Variants in INPP5A observed in about 807,000 individuals in gnomAD.
INPP5A encodes 43 kDa inositol polyphosphate 5-phophatase.
Under a neutral mutation model 65.2 loss-of-function variants are expected in INPP5A, and 14 were observed. The ratio of observed to expected loss-of-function variants is 0.21; its 90% CI spans 0.14 to 0.34. The LOEUF (loss-of-function observed/expected upper bound fraction) is 0.34, where lower values mean the gene tolerates loss of function less well. INPP5A is among the 10% of genes least tolerant of loss of function. The pLI is 1.00. For missense variants in INPP5A, 431 were observed against 545.6 expected (o/e 0.79, Z 2.09); for synonymous variants, 207 against 208.3 (o/e 0.99, Z 0.05).
intron 9 of INPP5A, among the ~76,000 whole-genome samples, chr10:132,730,765 G>A (rs75444581): frequency 0.046 from 7,015 of 152,312 alleles, 259 homozygotes; most frequent in African/African-American, 0.1. Flanking sequence ...CCGCGTTGGC[G>A]TGTCCTGCTG....
intron 4 of INPP5A, among the ~76,000 whole-genome samples, chr10:132,683,380 T>C (rs2073076706): frequency 6.6e-6 from 1 of 152,214 alleles, no homozygotes; most frequent in South Asian, 2.1e-4. Context: ...ACACGTTTAA[T>C]CTGCGTGTAC....
chr10:132,544,913 C>T (rs929152713), intron 1 of INPP5A, among the ~76,000 whole-genome samples: 5 of 152,062 alleles, frequency 3.3e-5, no homozygotes, highest in African/African-American at 1.2e-4. Flanking sequence ...GAGTTTAGAT[C>T]ACCCGGGTTA....
At chr10:132,714,493 G>A (rs1480783354) in intron 8 of INPP5A, among the ~76,000 whole-genome samples, 4 of 152,180 alleles carry the variant, frequency 2.6e-5, no homozygotes, top group East Asian at 1.9e-4. Flanking sequence ...TGTCTGCCCC[G>A]CAGGGAGACA....
chr10:132,771,726 A>G (rs61860776), intron 12 of INPP5A, among the ~76,000 whole-genome samples: 4,452 of 26,288 alleles, frequency 0.17, 44 homozygotes, highest in East Asian at 0.25. Flanking sequence ...AGAGTGGGAC[A>G]GACACTCAGC....
At chr10:132,715,565 G>A (rs1346803583) in intron 8 of INPP5A, among the ~76,000 whole-genome samples, 4 of 152,208 alleles carry the variant, frequency 2.6e-5, no homozygotes, top group African/African-American at 7.2e-5. Flanking sequence ...TGGCTTTATG[G>A]AGGGCCATCA....
rs1845540025 is a variant in INPP5A at position 132,706,532 on chromosome 10, C to CTAA, written c.475-1781_475-1780insTAA. ...AGTTCGTGTGCCGGGGTGCTTCTTA[C>CTAA]AGCAGTGGTGGATCCAGAGTGCAGG... On this transcript the variant is annotated intron_variant, in intron 6 of 15. Coordinates refer to ENST00000368594, the MANE Select transcript of INPP5A (RefSeq NM_005539.5). The surrounding 1 kb of genome is among the most constrained non-coding windows in gnomAD (Gnocchi z 4.7). 6.6e-6 allele frequency among the ~76,000 whole-genome samples: 1 copy of CTAA among 152,236 alleles called. No homozygotes were observed. Among genetic ancestry groups the CTAA allele is most frequent in the Admixed American group, 6.5e-5 (1 of 15,282 alleles).
Position 132,782,202 on chromosome 10 carries a change from C to A in INPP5A, c.*173C>A. ...TCCGGACCATTCCGGAGCAGCCTCA[C>A]ATACCTCACTGTCTCGTCTGTCTAT... On this transcript the variant is annotated 3_prime_UTR_variant, in exon 16 of 16. Coordinates refer to ENST00000368594, the MANE Select transcript of INPP5A (RefSeq NM_005539.5). The surrounding 1 kb of genome is among the most constrained non-coding windows in gnomAD (Gnocchi z 4.4). 5.5e-6 allele frequency: 5 copies of A among 901,016 alleles called. No individual in the cohort carries two copies. The highest frequency in any genetic ancestry group is 8.6e-6 in the Non-Finnish European group (5 of 582,470). 55.8% of individuals were successfully genotyped at this position (901,016 alleles called of 1,614,324 possible).
intron 8 of INPP5A, among the ~76,000 whole-genome samples, chr10:132,717,807 T>C (rs1845769507): frequency 6.8e-6 from 1 of 147,052 alleles, no homozygotes; most frequent in Non-Finnish European, 1.5e-5. Context: ...GGTTCTGTGG[T>C]ACCTGGGTTC....
At chr10:132,765,495 C>G (rs958756494) in intron 11 of INPP5A, among the ~76,000 whole-genome samples, 1 of 152,140 alleles carries the variant, frequency 6.6e-6, no homozygotes, top group African/African-American at 2.4e-5. Flanking sequence ...CGGCAGTGCC[C>G]GAGGCCATGA....
Position 132,675,928 on chromosome 10 carries a change from T to C in INPP5A, c.307-14464T>C, listed in dbSNP as rs985223880. On this transcript the variant is annotated intron_variant, in intron 4 of 15. Transcript: ENST00000368594. This position sits in a 1 kb window ranked among gnomAD's most constrained non-coding sequence, Gnocchi z 4.2. ...ATCCATAATGCACATAACCAGTTTC[T>C]CCAGAACATGTATACATGAAATGTA... Among the ~76,000 whole-genome samples the C allele has an allele frequency of 6.6e-6, 1 of 152,198 alleles. No individual in the cohort carries two copies. The highest frequency in any genetic ancestry group is 1.5e-5 in the Non-Finnish European group (1 of 68,040).
intron 3 of INPP5A, among the ~76,000 whole-genome samples, chr10:132,647,950 A>G (rs2072520748): frequency 6.6e-6 from 1 of 152,258 alleles, no homozygotes; most frequent in Admixed American, 6.5e-5. Context: ...TGCAGCCTAC[A>G]GAATGGAAGG....
chr10:132,662,298 ATTTAC>A (rs1228084128), intron 4 of INPP5A, among the ~76,000 whole-genome samples: 1 of 152,198 alleles, frequency 6.6e-6, no homozygotes, highest in African/African-American at 2.4e-5. Context: ...CCTCTTCAGT[ATTTAC>A]TTAAGAGAAA....
intron 1 of INPP5A, among the ~76,000 whole-genome samples, chr10:132,557,866 C>CT (rs2071147119): frequency 6.6e-6 from 1 of 152,166 alleles, no homozygotes. Context: ...GCAGCCACGG[C>CT]TTATGGCGGG....
At chr10:132,702,297 A>G (rs967724779) in intron 6 of INPP5A, among the ~76,000 whole-genome samples, 1 of 152,238 alleles carries the variant, frequency 6.6e-6, no homozygotes, top group African/African-American at 2.4e-5. Flanking sequence ...ATATTATTCA[A>G]AAATAACATT....
At chr10:132,729,667 G>T (rs967783636) in intron 9 of INPP5A, among the ~76,000 whole-genome samples, 1 of 152,222 alleles carries the variant, frequency 6.6e-6, no homozygotes, top group Non-Finnish European at 1.5e-5. Flanking sequence ...AGCCCTCTGC[G>T]CTGCTGAAGG....
At chr10:132,617,122 G>T (rs1040206831) in intron 2 of INPP5A, among the ~76,000 whole-genome samples, 1 of 152,136 alleles carries the variant, frequency 6.6e-6, no homozygotes, top group African/African-American at 2.4e-5. Context: ...CAAACACCGC[G>T]CCCTGGTTGG....
chr10:132,673,470 C>G (rs2072921558), intron 4 of INPP5A, among the ~76,000 whole-genome samples: 1 of 152,180 alleles, frequency 6.6e-6, no homozygotes, highest in Admixed American at 6.5e-5. Flanking sequence ...TTTGTCCCAG[C>G]CCTGCAAAGT....
chr10:132,616,440 T>G lies in INPP5A; in HGVS notation c.117+8484T>G, dbSNP rs115415965. Among the ~76,000 whole-genome samples the G allele has an allele frequency of 0.024, 3,679 of 151,796 alleles. 57 individuals are homozygous for G. The highest frequency in any genetic ancestry group is 0.04 in the South Asian group (190 of 4,808). On this transcript the variant is annotated intron_variant, in intron 2 of 15. Coordinates refer to ENST00000368594, the MANE Select transcript of INPP5A (RefSeq NM_005539.5). This position sits in a 1 kb window ranked among gnomAD's most constrained non-coding sequence, Gnocchi z 4.9. The stretch of plus-strand genomic sequence containing the variant: ...GGGCGTGGTGTGGGATATGTGGTAT[T>G]GGGAACATGGTGGTGACGCAGGATG...
Position 132,575,075 on chromosome 10 carries a change from A to C in INPP5A, c.76-32840A>C, listed in dbSNP as rs951901019. Among the ~76,000 whole-genome samples the C allele has an allele frequency of 2.6e-5, 4 of 152,140 alleles. No homozygotes were observed. Among genetic ancestry groups the C allele is most frequent in the African/African-American group, 9.7e-5 (4 of 41,432 alleles). On this transcript the variant is annotated intron_variant, in intron 1 of 15. Coordinates refer to ENST00000368594, the MANE Select transcript of INPP5A (RefSeq NM_005539.5). This position sits in a 1 kb window ranked among gnomAD's most constrained non-coding sequence, Gnocchi z 5.4. ...CTCCGGATTCGGGGTGTCCGTGGAAAACACATGATGCCAGGTCCACAGGGT... is the reference window on the plus strand; with the variant it reads ...CTCCGGATTCGGGGTGTCCGTGGAACACACATGATGCCAGGTCCACAGGGT...
Sources: allele counts gnomAD v4.1 joint callset (sites outside exome capture counted in the v4.1 genomes callset), GRCh38; gene constraint gnomAD v4.1.1; non-coding constraint Gnocchi (gnomAD v3.1); transcripts MANE v1.5; gene names NCBI Gene and HGNC (gene_info 2026-07-23, HGNC 2026-07-21).